The following MACROD2 variants were observed in gnomAD, a reference collection of about 807,000 sequenced individuals.
MACROD2 encodes the protein ADP-ribose glycohydrolase MACROD2.
A neutral mutation model predicts 70.4 loss-of-function variants in MACROD2; 36 were observed. The ratio of observed to expected loss-of-function variants is 0.51; its 90% CI spans 0.39 to 0.68. The LOEUF is 0.68. Ranked by LOEUF, MACROD2 falls within the 30% of genes least tolerant of loss-of-function variation. The probability of loss-of-function intolerance (pLI) is 0.00; values close to 1 mark genes in which losing one functional copy is unlikely to be tolerated. For missense variants in MACROD2, 496 were observed against 538.4 expected, an observed-to-expected ratio of 0.92 and a Z score of 0.78; for synonymous variants, 172 against 178.8, an observed-to-expected ratio of 0.96 and a Z score of 0.30.
intron 5 of MACROD2, among the ~76,000 whole-genome samples, chr20:15,147,421 G>A (rs1313557205): frequency 2.0e-5 from 2 of 99,740 alleles, no homozygotes; most frequent in Non-Finnish European, 4.1e-5. Context: ...GTGTAAAACG[G>A]AGTTAGCATT....
At chr20:14,099,650 G>A (rs1355018170) in intron 3 of MACROD2, among the ~76,000 whole-genome samples, 1 of 152,108 alleles carries the variant, frequency 6.6e-6, no homozygotes, top group Non-Finnish European at 1.5e-5. Context: ...ACACATTTGT[G>A]TGTGGTATTT....
chr20:15,217,751 C>T (rs1399254962), intron 5 of MACROD2, among the ~76,000 whole-genome samples: 1 of 152,124 alleles, frequency 6.6e-6, no homozygotes, highest in African/African-American at 2.4e-5. Context: ...AGCCAGTCAC[C>T]AGATATTATT....
At chr20:14,649,120 G>T (rs1985545912) in intron 4 of MACROD2, among the ~76,000 whole-genome samples, 2 of 152,076 alleles carry the variant, frequency 1.3e-5, no homozygotes. Flanking sequence ...CTACCCCCCT[G>T]CCCAGTTTTG....
intron 5 of MACROD2, among the ~76,000 whole-genome samples, chr20:14,855,697 G>C (rs416233): frequency 3.5e-5 from 5 of 144,818 alleles, no homozygotes; most frequent in African/African-American, 1.3e-4. Flanking sequence ...AGACTATTAC[G>C]TTAATATCTT....
rs148697037 is a variant in MACROD2 at position 14,700,453 on chromosome 20, C to T, written c.418+15494C>T. On this transcript the variant is annotated intron_variant, in intron 5 of 17. Coordinates refer to ENST00000684519, the MANE Select transcript of MACROD2 (RefSeq NM_001351661.2). Reference sequence around the variant, plus strand: ...TCCACTTATGAAGCTGAATATCAATCACTCAACTATTCAGTTATGCTTAGG... The same window carrying T: ...TCCACTTATGAAGCTGAATATCAATTACTCAACTATTCAGTTATGCTTAGG... Among the ~76,000 whole-genome samples, 12 of 152,048 alleles carry T rather than the reference C, an allele frequency of 7.9e-5. No homozygotes were observed. The East Asian group carries it at 2.3e-3, about 29-fold the overall frequency.
chr20:14,952,611 A>C (rs1267129312), intron 5 of MACROD2, among the ~76,000 whole-genome samples: 1 of 152,078 alleles, frequency 6.6e-6, no homozygotes, highest in African/African-American at 2.4e-5. Flanking sequence ...TTGATTAAAA[A>C]ATTTTCTTGC....
chr20:14,145,308 TA>T (rs1478329412), intron 3 of MACROD2, among the ~76,000 whole-genome samples: 1 of 152,222 alleles, frequency 6.6e-6, no homozygotes, highest in Non-Finnish European at 1.5e-5. Flanking sequence ...AAAGAATTTA[TA>T]ACCTCGTCTA....
At chr20:15,046,740 G>A (rs2075397525) in intron 5 of MACROD2, among the ~76,000 whole-genome samples, 1 of 152,068 alleles carries the variant, frequency 6.6e-6, no homozygotes, top group African/African-American at 2.4e-5. Flanking sequence ...CCTCACTTCT[G>A]GACTATCACA....
intron 8 of MACROD2, chr20:15,619,657 T>G: frequency 5.9e-6 from 2 of 341,718 alleles, no homozygotes; most frequent in Non-Finnish European, 1.1e-5. Context: ...AAAGTACTTT[T>G]TCCCTTTTCG....
intron 3 of MACROD2, among the ~76,000 whole-genome samples, chr20:14,095,704 T>C (rs527293859): frequency 7.9e-5 from 12 of 152,322 alleles, no homozygotes; most frequent in Middle Eastern, 3.4e-3. Flanking sequence ...GGAGTTTTTA[T>C]TAAAAGCATG....
chr20:15,503,394 G>A (rs2047387805), intron 8 of MACROD2, among the ~76,000 whole-genome samples: 7 of 152,098 alleles, frequency 4.6e-5, no homozygotes, highest in Admixed American at 4.6e-4. Context: ...AGAAAGACCG[G>A]GTGATATTGA....
chr20:14,924,775 G>A (rs927636666), intron 5 of MACROD2, among the ~76,000 whole-genome samples: 1 of 152,062 alleles, frequency 6.6e-6, no homozygotes, highest in African/African-American at 2.4e-5. Context: ...TCTCTGAAGA[G>A]ACACAGATGA....
intron 8 of MACROD2, among the ~76,000 whole-genome samples, chr20:15,816,946 G>A (rs896244987): frequency 1.3e-5 from 2 of 152,150 alleles, no homozygotes; most frequent in African/African-American, 2.4e-5. Flanking sequence ...CCATGTTCGT[G>A]CCAGCGAGAA....
At chr20:14,260,191 G>A (rs756082988) in intron 3 of MACROD2, among the ~76,000 whole-genome samples, 1 of 152,190 alleles carries the variant, frequency 6.6e-6, no homozygotes, top group African/African-American at 2.4e-5. Context: ...GTGTGTTTGT[G>A]TGTAGAAGTA....
chr20:15,221,610 C>T (rs1218816526), intron 5 of MACROD2, among the ~76,000 whole-genome samples: 4 of 152,164 alleles, frequency 2.6e-5, no homozygotes, highest in Non-Finnish European at 5.9e-5. Context: ...ACAGTCCCAT[C>T]AACAAGGTCA....
chr20:15,209,370 C>T (rs1362790732), intron 5 of MACROD2, among the ~76,000 whole-genome samples: 1 of 151,980 alleles, frequency 6.6e-6, no homozygotes, highest in Non-Finnish European at 1.5e-5. Context: ...TCCATCTGTT[C>T]AATCCTAGTC....
chr20:15,016,920 C>T (rs1056058528), intron 5 of MACROD2, among the ~76,000 whole-genome samples: 1 of 152,156 alleles, frequency 6.6e-6, no homozygotes, highest in African/African-American at 2.4e-5. Context: ...CCTCCCACAA[C>T]AAGTGGGAAT....
intron 6 of MACROD2, among the ~76,000 whole-genome samples, chr20:15,335,938 C>A (rs971652472): frequency 6.6e-6 from 1 of 151,670 alleles, no homozygotes; most frequent in African/African-American, 2.4e-5. Context: ...CTAGAACATG[C>A]CTTGCGCTTT....
At chr20:15,280,943 T>C (rs2146087424) in intron 6 of MACROD2, 1 of 152,390 alleles carries the variant, frequency 6.6e-6, no homozygotes, top group South Asian at 2.1e-4. Context: ...AGAGGTTTAA[T>C]TAACTCATAG....
Sources: gnomAD v4.1 joint callset for allele counts (sites outside exome capture counted in the v4.1 genomes callset) on GRCh38, gnomAD v4.1.1 for gene constraint, MANE v1.5 for transcripts, NCBI Gene and HGNC (gene_info 2026-07-23, HGNC 2026-07-21) for gene names.